The following SNX31 variants were observed in gnomAD, a reference collection of about 807,000 sequenced individuals.
The protein encoded by SNX31 is sorting nexin 31.
In SNX31, 58 loss-of-function variants were observed where a neutral mutation model predicts 65.4. That is an observed-to-expected ratio of 0.89 (90% CI 0.72 to 1.10). SNX31 has a LOEUF of 1.10. Among genes scored for constraint, SNX31 ranks in the 50% least tolerant of loss-of-function variants. SNX31 has a pLI of 0.00. For synonymous variants in SNX31, 181 were observed against 190.1 expected, an observed-to-expected ratio of 0.95 and a Z score of 0.39; for missense variants, 523 against 529.7, an observed-to-expected ratio of 0.99 and a Z score of 0.12.
At chr8:100,639,308 G>A (rs141895065) in intron 2 of SNX31, among the ~76,000 whole-genome samples, 2 of 152,278 alleles carry the variant, frequency 1.3e-5, no homozygotes, top group South Asian at 2.1e-4. Flanking sequence ...CTCACTGAAC[G>A]TGGTGAGAAA....
intron 4 of SNX31, among the ~76,000 whole-genome samples, chr8:100,623,374 T>G (rs894268370): frequency 1.3e-5 from 2 of 152,168 alleles, no homozygotes; most frequent in Non-Finnish European, 2.9e-5. Flanking sequence ...CCTCCAACAC[T>G]GGGAACTACA....
Position 100,629,970 on chromosome 8 carries a change from C to G in SNX31, c.321+357G>C, listed in dbSNP as rs749850095. On this transcript the variant is annotated intron_variant, in intron 4 of 13. Transcript: ENST00000311812. The surrounding 1 kb of genome is among the most constrained non-coding windows in gnomAD (Gnocchi z 5.1). Reference sequence around the variant, plus strand: ...AATCTCAGCTACAGAAGCAGGGTCACAGACATGTTATGGGAACCCTTAATG... The same window carrying G: ...AATCTCAGCTACAGAAGCAGGGTCAGAGACATGTTATGGGAACCCTTAATG... Among the ~76,000 whole-genome samples the G allele has an allele frequency of 3.3e-5, 5 of 152,236 alleles. No individual in the cohort carries two copies. The highest frequency in any genetic ancestry group is 4.8e-5 in the African/African-American group (2 of 41,458).
chr8:100,656,031 T>C (rs2978113), intron 1 of SNX31, among the ~76,000 whole-genome samples: 53,540 of 151,922 alleles, frequency 0.35, 10,237 homozygotes, highest in African/African-American at 0.51. Context: ...TGTGATAATC[T>C]CTCTTGGATG....
At chr8:100,663,428 A>C (rs1809820341), upstream of SNX31, 1 of 152,148 alleles carries the variant, frequency 6.6e-6, no homozygotes, top group South Asian at 2.1e-4. Context: ...ATGCTTTTTC[A>C]GAGTTGTTTT....
Position 100,649,366 on chromosome 8 carries a change from C to A in SNX31, c.67-18G>T. ...GAGTACAGCTGCAAACACACAGACACCCCGTCCCTGGTGAGCCGAGGGATA... is the reference window on the plus strand; with the variant it reads ...GAGTACAGCTGCAAACACACAGACAACCCGTCCCTGGTGAGCCGAGGGATA... On this transcript the variant is annotated intron_variant, in intron 1 of 13. Transcript: ENST00000311812. 3 of 1,613,406 alleles carry A rather than the reference C, an allele frequency of 1.9e-6. No individual in the cohort carries two copies. Among genetic ancestry groups the A allele is most frequent in the Non-Finnish European group, 2.5e-6 (3 of 1,179,478 alleles).
intron 1 of SNX31, among the ~76,000 whole-genome samples, chr8:100,662,896 A>G (rs564442169): frequency 3.9e-5 from 6 of 152,338 alleles, no homozygotes; most frequent in Non-Finnish European, 8.8e-5. Context: ...TTAAAAATAC[A>G]TATTTTTGAC....
intron 2 of SNX31, among the ~76,000 whole-genome samples, chr8:100,647,901 TCA>T (rs1016711723): frequency 6.6e-6 from 1 of 152,242 alleles, no homozygotes; most frequent in Admixed American, 6.5e-5. Context: ...CCCATGTGTT[TCA>T]GTCACAAGTA....
chr8:100,587,066 T>C (rs1225293679), intron 11 of SNX31, among the ~76,000 whole-genome samples: 1 of 152,206 alleles, frequency 6.6e-6, no homozygotes, highest in Non-Finnish European at 1.5e-5. Flanking sequence ...TAAGAGACCC[T>C]GATTTTGTTT....
chr8:100,626,961 C>T lies in SNX31; in HGVS notation c.321+3366G>A, dbSNP rs937770363. On this transcript the variant is annotated intron_variant, in intron 4 of 13. Coordinates refer to ENST00000311812, the MANE Select transcript of SNX31 (RefSeq NM_152628.4). The surrounding 1 kb of genome is among the most constrained non-coding windows in gnomAD (Gnocchi z 4.4). Reference sequence around the variant, plus strand: ...AAAAGTAAAAAGAGGCACTGAAAAACACAGCTAGAGGTATAAGGCTTTTGT... The same window carrying T: ...AAAAGTAAAAAGAGGCACTGAAAAATACAGCTAGAGGTATAAGGCTTTTGT... Among the ~76,000 whole-genome samples the T allele has an allele frequency of 6.6e-6, 1 of 152,140 alleles. No individual in the cohort carries two copies. Among genetic ancestry groups the T allele is most frequent in the Non-Finnish European group, 1.5e-5 (1 of 68,016 alleles).
intron 12 of SNX31, among the ~76,000 whole-genome samples, chr8:100,580,051 C>T (rs920475540): frequency 6.7e-6 from 1 of 150,364 alleles, no homozygotes; most frequent in African/African-American, 2.4e-5. Flanking sequence ...GTACCAGGTA[C>T]TTAGGAGACT....
Position 100,613,136 on chromosome 8 carries a change from C to T in SNX31, c.433-51G>A. 1 of 1,414,586 alleles carries T rather than the reference C, an allele frequency of 7.1e-7. No homozygotes were observed. The highest frequency in any genetic ancestry group is 1.0e-6 in the Non-Finnish European group (1 of 999,446). 87.6% of individuals were successfully genotyped at this position (1,414,586 alleles called of 1,614,324 possible). On this transcript the variant is annotated intron_variant, in intron 5 of 13. Coordinates refer to ENST00000311812, the MANE Select transcript of SNX31 (RefSeq NM_152628.4). This position sits in a 1 kb window ranked among gnomAD's most constrained non-coding sequence, Gnocchi z 5.2. The stretch of plus-strand genomic sequence containing the variant: ...GAAAAAGTTAGGTGTGCCCACCATG[C>T]ATCCTAACTGTGACATGCAGACTTG...
At chr8:100,581,501 A>C (rs2130798497) in intron 12 of SNX31, among the ~76,000 whole-genome samples, 1 of 152,142 alleles carries the variant, frequency 6.6e-6, no homozygotes, top group East Asian at 1.9e-4. Flanking sequence ...TAACAAAGCT[A>C]ATTAAGTTAA....
chr8:100,597,927 C>T (rs969156683), intron 9 of SNX31, among the ~76,000 whole-genome samples: 6 of 152,182 alleles, frequency 3.9e-5, no homozygotes, highest in African/African-American at 1.4e-4. Context: ...TCGCCATGGG[C>T]CTGGCCTAAT....
intron 3 of SNX31, among the ~76,000 whole-genome samples, chr8:100,632,725 T>G (rs913703638): frequency 6.6e-6 from 1 of 151,758 alleles, no homozygotes; most frequent in African/African-American, 2.4e-5. Flanking sequence ...TGAGCTGTGA[T>G]TGCACCACTG....
rs550872105 is a variant in SNX31, at chr8:100,625,102, C to T, written c.321+5225G>A. Among the ~76,000 whole-genome samples the T allele has an allele frequency of 1.3e-5, 2 of 152,240 alleles. No individual in the cohort carries two copies. Among genetic ancestry groups the T allele is most frequent in the Admixed American group, 6.5e-5 (1 of 15,294 alleles). On this transcript the variant is annotated intron_variant, in intron 4 of 13. Transcript: ENST00000311812. The surrounding 1 kb of genome is among the most constrained non-coding windows in gnomAD (Gnocchi z 4.2). ...CTGGGATTACAGGTGTGAGCCACCA[C>T]GTTTGGCCCAGCTGCCATACTTATC...
chr8:100,583,494 A>G (rs191522775), intron 12 of SNX31, among the ~76,000 whole-genome samples: 1 of 152,356 alleles, frequency 6.6e-6, no homozygotes, highest in East Asian at 1.9e-4. Flanking sequence ...TAGGCAATTA[A>G]AACAGTTTAA....
At chr8:100,593,371 G>A (rs1197560859) in intron 10 of SNX31, among the ~76,000 whole-genome samples, 1 of 152,118 alleles carries the variant, frequency 6.6e-6, no homozygotes, top group African/African-American at 2.4e-5. Context: ...TCAACAAATG[G>A]GTACTGGAGC....
intron 2 of SNX31, among the ~76,000 whole-genome samples, chr8:100,641,565 A>AAAAATAT (rs1554587369): frequency 1.9e-4 from 6 of 32,104 alleles, no homozygotes; most frequent in East Asian, 8.0e-4. Flanking sequence ...AAAAAAAAAA[A>AAAAATAT]ATATATATAT....
rs139335670 is a variant in SNX31 at position 100,648,242 on chromosome 8, T to C, written c.141+1032A>G. ...TAACTCACTAGAAACCCAGAGACTG[T>C]CTGAAAAAACTCTCTCAAAACAAGC... is the stretch of plus-strand genomic sequence containing the variant. On this transcript the variant is annotated intron_variant, in intron 2 of 13. Transcript: ENST00000311812. The surrounding 1 kb of genome is among the most constrained non-coding windows in gnomAD (Gnocchi z 4.3). 6.2e-3 allele frequency among the ~76,000 whole-genome samples: 943 copies of C among 151,508 alleles called. 3 individuals carry two copies. Among genetic ancestry groups the C allele is most frequent in the Non-Finnish European group, 0.01 (711 of 67,880 alleles).
Sources: allele counts gnomAD v4.1 joint callset (sites outside exome capture counted in the v4.1 genomes callset), GRCh38; gene constraint gnomAD v4.1.1; non-coding constraint Gnocchi (gnomAD v3.1); transcripts MANE v1.5; gene names NCBI Gene and HGNC (gene_info 2026-07-23, HGNC 2026-07-21).